PCDHA4: variants seen among roughly 807,000 people sequenced by gnomAD.
PCDHA4 encodes protocadherin alpha 4.
Under a neutral mutation model 61.4 loss-of-function variants are expected in PCDHA4, and 49 were observed. That is an observed-to-expected ratio of 0.80 (90% confidence interval 0.63 to 1.01). The LOEUF is 1.01. Among genes scored for constraint, PCDHA4 ranks in the 50% least tolerant of loss-of-function variants. The pLI is 0.00. For synonymous variants in PCDHA4, 590 were observed against 550.3 expected, an observed-to-expected ratio of 1.07 and a Z score of -1.01; for missense variants, 1,254 against 1,235.8, an observed-to-expected ratio of 1.01 and a Z score of -0.22.
intron 1 of PCDHA4, chr5:140,856,946 G>T: frequency 6.3e-7 from 1 of 1,593,334 alleles, no homozygotes; most frequent in East Asian, 2.2e-5. Context: ...AAGGACGGGA[G>T]AAATAAAAGT....
chr5:140,951,493 A>C (rs1554219918), intron 1 of PCDHA4, among the ~76,000 whole-genome samples: 1 of 152,022 alleles, frequency 6.6e-6, no homozygotes, highest in Non-Finnish European at 1.5e-5. Context: ...TCATGGTGGA[A>C]GGCAAAAGGA....
At chr5:140,833,801 A>G (rs146837800) in intron 1 of PCDHA4, among the ~76,000 whole-genome samples, 1 of 152,242 alleles carries the variant, frequency 6.6e-6, no homozygotes, top group South Asian at 2.1e-4. Flanking sequence ...CAATCAGTAG[A>G]TTCTTGAGAT....
intron 1 of PCDHA4, among the ~76,000 whole-genome samples, chr5:140,946,113 G>T (rs1241993026): frequency 6.6e-6 from 1 of 151,816 alleles, no homozygotes; most frequent in Non-Finnish European, 1.5e-5. Context: ...AAATATATAA[G>T]GAACTCAAAC....
At chr5:140,996,173 A>G (rs2097715399) in intron 3 of PCDHA4, among the ~76,000 whole-genome samples, 1 of 152,236 alleles carries the variant, frequency 6.6e-6, no homozygotes, top group Non-Finnish European at 1.5e-5. Flanking sequence ...ATGTGCTGAC[A>G]GCACCTCCAT....
At chr5:140,986,293 CAG>C (rs1447196504) in intron 3 of PCDHA4, among the ~76,000 whole-genome samples, 2 of 152,124 alleles carry the variant, frequency 1.3e-5, no homozygotes, top group Admixed American at 6.5e-5. Flanking sequence ...TGAGACTGAG[CAG>C]AGAGAGAAAA....
At chr5:140,950,112 A>G (rs1263517017) in intron 1 of PCDHA4, among the ~76,000 whole-genome samples, 3 of 151,944 alleles carry the variant, frequency 2.0e-5, no homozygotes, top group Non-Finnish European at 4.4e-5. Context: ...ATCTCATACA[A>G]TACAAAACCC....
At chr5:140,816,301 G>A (rs1765879211) in intron 1 of PCDHA4, 1 of 152,090 alleles carries the variant, frequency 6.6e-6, no homozygotes, top group African/African-American at 2.4e-5. Flanking sequence ...GAACATGTCT[G>A]TAAAATTTTC....
intron 1 of PCDHA4, among the ~76,000 whole-genome samples, chr5:140,973,759 C>G (rs1050304490): frequency 2.0e-5 from 3 of 152,250 alleles, no homozygotes; most frequent in Non-Finnish European, 4.4e-5. Flanking sequence ...TGCAGGGACA[C>G]AGCCTGGCAT....
chr5:140,926,914 G>A (rs1563085125), intron 1 of PCDHA4: 7 of 1,565,570 alleles, frequency 4.5e-6, no homozygotes, highest in African/African-American at 1.4e-5. Context: ...TGGGGTGGCA[G>A]TTTTATGTTT....
intron 3 of PCDHA4, among the ~76,000 whole-genome samples, chr5:141,000,361 GTCTCTC>G (rs148596731): frequency 0.13 from 3,495 of 26,124 alleles, 319 homozygotes; most frequent in Middle Eastern, 0.15. Context: ...GTCTCTCTCT[GTCTCTC>G]TCTCTCTCTC....
chr5:140,837,666 T>C (rs1775190875), intron 1 of PCDHA4, among the ~76,000 whole-genome samples: 1 of 151,622 alleles, frequency 6.6e-6, no homozygotes, highest in African/African-American at 2.4e-5. Context: ...TTTCTTTCAT[T>C]CTTTTTCTTT....
At chr5:140,985,739 C>CA (rs781951589) in intron 3 of PCDHA4, among the ~76,000 whole-genome samples, 2 of 117,920 alleles carry the variant, frequency 1.7e-5, no homozygotes, top group Non-Finnish European at 3.4e-5. Flanking sequence ...TGATGAATTC[C>CA]TTTTTTTTTT....
Position 140,830,403 on chromosome 5 carries a change from C to T in PCDHA4, c.2385+20831C>T, listed in dbSNP as rs142523844. 231 of 1,614,096 alleles carry T rather than the reference C, an allele frequency of 1.4e-4. No homozygotes were observed. The African/African-American group carries it at 1.9e-3, about 14-fold the overall frequency. The stretch of plus-strand genomic sequence containing the variant: ...GGCCCACCCAAGATGGATCTCATGG[C>T]CTTTAGCCCCAGCCTTTCACCTTGT... On this transcript the variant is annotated intron_variant, in intron 1 of 3. Transcript: ENST00000530339.
At chr5:140,887,538 A>AC (rs1554183096) in intron 1 of PCDHA4, among the ~76,000 whole-genome samples, 1 of 151,216 alleles carries the variant, frequency 6.6e-6, no homozygotes, top group Admixed American at 6.6e-5. Flanking sequence ...TCCTCTCCCC[A>AC]CCCCTCATGG....
At chr5:141,007,688 C>A (rs1554261446) in intron 3 of PCDHA4, among the ~76,000 whole-genome samples, 1 of 152,170 alleles carries the variant, frequency 6.6e-6, no homozygotes, top group Admixed American at 6.5e-5. Flanking sequence ...ATCCTACTTC[C>A]ACCTCCCTCC....
chr5:140,834,303 G>A (rs797039275), intron 1 of PCDHA4: 4 of 1,308,316 alleles, frequency 3.1e-6, no homozygotes, highest in Admixed American at 2.2e-5. Context: ...CACACATCGA[G>A]ATTGAAATGA....
intron 1 of PCDHA4, chr5:140,852,271 A>C (rs1554145738): frequency 6.0e-6 from 3 of 502,014 alleles, no homozygotes; most frequent in African/African-American, 2.1e-5. Context: ...ACAATATTAC[A>C]TGTTTTTTGT....
At chr5:140,828,204 A>G in intron 1 of PCDHA4, 8 of 1,614,086 alleles carry the variant, frequency 5.0e-6, no homozygotes, top group Non-Finnish European at 6.8e-6. Flanking sequence ...GTACCCGAGG[A>G]GGCCAAACAC....
intron 1 of PCDHA4, among the ~76,000 whole-genome samples, chr5:140,895,002 A>C (rs1003440406): frequency 6.6e-6 from 1 of 152,030 alleles, no homozygotes; most frequent in Non-Finnish European, 1.5e-5. Flanking sequence ...TACCCTTTTT[A>C]CTTGGACCTT....
Sources: allele counts gnomAD v4.1 joint callset (sites outside exome capture counted in the v4.1 genomes callset), GRCh38; gene constraint gnomAD v4.1.1; transcripts MANE v1.5; gene names NCBI Gene and HGNC (gene_info 2026-07-23, HGNC 2026-07-21).